Variants in APP observed in about 807,000 individuals in gnomAD.
The protein encoded by APP is amyloid-beta precursor protein.
A neutral mutation model predicts 101.4 loss-of-function variants in APP; 31 were observed. The observed-to-expected ratio is 0.31, with a 90% confidence interval of 0.23 to 0.41. APP has a LOEUF of 0.41. APP is among the 10% of genes least tolerant of loss of function. The probability of loss-of-function intolerance (pLI) is 1.00; values close to 1 mark genes in which losing one functional copy is unlikely to be tolerated. For missense variants in APP, 839 were observed against 1,003.7 expected (o/e 0.84, Z 2.22); for synonymous variants, 366 against 364.4 (o/e 1.00, Z -0.05).
chr21:26,139,676 C>T (rs918507054), intron 1 of APP, among the ~76,000 whole-genome samples: 3 of 152,118 alleles, frequency 2.0e-5, no homozygotes, highest in African/African-American at 7.2e-5. Flanking sequence ...AGGCAGATCA[C>T]GAGGTCAAGA....
At chr21:26,143,187 A>T (rs2063083736) in intron 1 of APP, among the ~76,000 whole-genome samples, 1 of 152,204 alleles carries the variant, frequency 6.6e-6, no homozygotes, top group African/African-American at 2.4e-5. Context: ...GATACCTTCA[A>T]AACTGGCTGG....
chr21:25,992,293 C>T (rs1477428898), intron 8 of APP, among the ~76,000 whole-genome samples: 1 of 151,620 alleles, frequency 6.6e-6, no homozygotes, highest in Non-Finnish European at 1.5e-5. Context: ...GAGGCTGAGA[C>T]AGGGGGATCT....
chr21:25,899,983 C>A (rs994756871), intron 15 of APP, among the ~76,000 whole-genome samples: 1 of 152,156 alleles, frequency 6.6e-6, no homozygotes, highest in East Asian at 1.9e-4. Flanking sequence ...CAACCCCCAA[C>A]TTCTTGCTAC....
chr21:25,899,471 C>A (rs893655922), intron 15 of APP, among the ~76,000 whole-genome samples: 5 of 152,144 alleles, frequency 3.3e-5, no homozygotes, highest in Non-Finnish European at 2.9e-5. Context: ...CTAAAACTTC[C>A]TTAATCTCTT....
chr21:25,951,269 T>A (rs1213189100), intron 13 of APP, among the ~76,000 whole-genome samples: 1 of 152,224 alleles, frequency 6.6e-6, no homozygotes, highest in East Asian at 1.9e-4. Flanking sequence ...CCATTCTTCC[T>A]CATTTTCACC....
At chr21:26,059,209 C>T (rs1186286246) in intron 3 of APP, among the ~76,000 whole-genome samples, 2 of 151,976 alleles carry the variant, frequency 1.3e-5, no homozygotes, top group Admixed American at 1.3e-4. Context: ...CTTCAAGGCA[C>T]AGATTATTTG....
intron 1 of APP, among the ~76,000 whole-genome samples, chr21:26,132,162 G>A (rs2062810243): frequency 6.6e-6 from 1 of 152,188 alleles, no homozygotes; most frequent in South Asian, 2.1e-4. Context: ...GCTGTAGTTT[G>A]CTATGATCGA....
chr21:25,975,935 A>G lies in APP; in HGVS notation c.1299+19T>C. The G allele has an allele frequency of 1.2e-6, 2 of 1,607,044 alleles. No individual in the cohort carries two copies. The highest frequency in any genetic ancestry group is 1.7e-6 in the Non-Finnish European group (2 of 1,173,742). ...CTGCTGGCATGTGATGTTTGGTAGGAAATGGGTTCAGGTTTTACCTGGATA... is the reference window on the plus strand; with the variant it reads ...CTGCTGGCATGTGATGTTTGGTAGGGAATGGGTTCAGGTTTTACCTGGATA... On this transcript the variant is annotated intron_variant, in intron 10 of 17. Coordinates refer to ENST00000346798, the MANE Select transcript of APP (RefSeq NM_000484.4).
chr21:25,997,759 C>A (rs1191377962), intron 7 of APP, among the ~76,000 whole-genome samples: 1 of 152,198 alleles, frequency 6.6e-6, no homozygotes, highest in Non-Finnish European at 1.5e-5. Context: ...ATTCATAGGA[C>A]AGCATGTGGC....
chr21:26,019,710 AT>A (rs11295674), intron 6 of APP, among the ~76,000 whole-genome samples: 152,289 of 152,290 alleles, frequency 1, 76,144 homozygotes, highest in Non-Finnish European at 1. Flanking sequence ...CTTGATGGAG[AT>A]TCACCAAGGA....
intron 11 of APP, among the ~76,000 whole-genome samples, chr21:25,966,080 C>T (rs1445147781): frequency 6.6e-6 from 1 of 152,146 alleles, no homozygotes; most frequent in Non-Finnish European, 1.5e-5. Context: ...TCTTAATGTT[C>T]TATGTAACTT....
At chr21:26,102,110 C>T (rs1377877904) in intron 2 of APP, among the ~76,000 whole-genome samples, 4 of 3,508 alleles carry the variant, frequency 1.1e-3, no homozygotes, top group South Asian at 3.4e-3. Context: ...TTTTTGGAGC[C>T]GGAGTCTCGC....
At chr21:26,024,642 A>G (rs2044490433) in intron 5 of APP, among the ~76,000 whole-genome samples, 1 of 152,222 alleles carries the variant, frequency 6.6e-6, no homozygotes, top group Non-Finnish European at 1.5e-5. Flanking sequence ...TTAATCCATC[A>G]ATGGCAGGAA....
At position 25,975,228 on chromosome 21, in the gene APP, G is replaced by C. The variant is rs1481409838; in HGVS notation, c.1300C>G (p.His434Asp). 6.2e-7 allele frequency: 1 copy of C among 1,614,150 alleles called. No homozygotes were observed. Among genetic ancestry groups the C allele is most frequent in the South Asian group, 1.1e-5 (1 of 91,084 alleles). The change falls in exon 11 of 18, where the codon CAT (histidine) becomes GAT (aspartate). Residue 434 changes from histidine (H) to aspartate (D), a missense_variant and splice_region_variant. Transcript: ENST00000346798. ...PKADKKAVIQ[H>D]FQEKVESLEQ... Reference sequence around the variant, plus strand: ...AAAGATTCCACTTTCTCCTGGAAATGCTGCCATCATAAACACATATGTCCA... The same window carrying C: ...AAAGATTCCACTTTCTCCTGGAAATCCTGCCATCATAAACACATATGTCCA...
At chr21:25,933,070 A>G (rs1376589142) in intron 13 of APP, among the ~76,000 whole-genome samples, 4 of 152,230 alleles carry the variant, frequency 2.6e-5, no homozygotes, top group Non-Finnish European at 5.9e-5. Context: ...TCAAATCAGT[A>G]TAATGGGATA....
At position 25,954,964 on chromosome 21, in the gene APP, G is replaced by A. The variant is rs418144; in HGVS notation, c.1588-275C>T. 1 allele frequency among the ~76,000 whole-genome samples: 151,357 copies of A among 151,376 alleles called. 75,669 individuals are homozygous for A. Among genetic ancestry groups the A allele is most frequent in the Middle Eastern group, 1 (294 of 294 alleles). On this transcript the variant is annotated intron_variant, in intron 12 of 17. Transcript: ENST00000346798. ...GAGCTCAGGTTTAAGACTTGATCTT[G>A]AAACTTACCATTATCTTGTATGCTT...
intron 3 of APP, among the ~76,000 whole-genome samples, chr21:26,069,027 C>G (rs780434577): frequency 1.1e-4 from 17 of 152,244 alleles, no homozygotes; most frequent in Non-Finnish European, 2.1e-4. Flanking sequence ...CAAAGTCTTT[C>G]CTATGTGGAA....
chr21:25,892,108 T>C (rs1569014893), intron 16 of APP, among the ~76,000 whole-genome samples: 2 of 150,606 alleles, frequency 1.3e-5, no homozygotes, highest in African/African-American at 2.4e-5. Context: ...TCATAGTTTA[T>C]AGAAGGATGT....
chr21:25,969,577 T>C (rs1201838018), intron 11 of APP, among the ~76,000 whole-genome samples: 1 of 151,950 alleles, frequency 6.6e-6, no homozygotes, highest in Non-Finnish European at 1.5e-5. Context: ...TGGTGGCTCA[T>C]GCCTGTAATA....
Sources: gnomAD v4.1 joint callset for allele counts (sites outside exome capture counted in the v4.1 genomes callset) on GRCh38, gnomAD v4.1.1 for gene constraint, MANE v1.5 for transcripts, NCBI Gene and HGNC (gene_info 2026-07-23, HGNC 2026-07-21) for gene names.